Variants in NCOA7 observed in about 807,000 individuals in gnomAD.
NCOA7 encodes nuclear receptor coactivator 7.
A neutral mutation model predicts 104.3 loss-of-function variants in NCOA7; 45 were observed. The observed-to-expected ratio is 0.43, with a 90% CI of 0.34 to 0.55. The LOEUF is 0.55. Among genes scored for constraint, NCOA7 ranks in the 20% least tolerant of loss-of-function variants. The pLI, the probability that NCOA7 is intolerant of heterozygous loss-of-function variation, is 0.02. For synonymous variants in NCOA7, 398 were observed against 402.3 expected, an observed-to-expected ratio of 0.99 and a Z score of 0.13; for missense variants, 1,041 against 1,119.7, an observed-to-expected ratio of 0.93 and a Z score of 1.00.
intron 3 of NCOA7, among the ~76,000 whole-genome samples, chr6:125,872,149 C>A (rs2128636824): frequency 6.6e-6 from 1 of 152,072 alleles, no homozygotes; most frequent in African/African-American, 2.4e-5. Context: ...ATATTACATG[C>A]TTGACATTTT....
chr6:125,877,550 G>C (rs945773892), intron 4 of NCOA7, among the ~76,000 whole-genome samples: 1 of 152,156 alleles, frequency 6.6e-6, no homozygotes, highest in Non-Finnish European at 1.5e-5. Flanking sequence ...CTGTTTTCCT[G>C]TGAAGTTTCT....
intron 2 of NCOA7, among the ~76,000 whole-genome samples, chr6:125,848,393 A>G (rs1222646038): frequency 6.6e-6 from 1 of 152,214 alleles, no homozygotes; most frequent in East Asian, 1.9e-4. Context: ...AAGACTTGGA[A>G]CCAACCCAAA....
Position 125,889,207 on chromosome 6 carries a change from C to T in NCOA7, c.1153C>T (p.Pro385Ser). The T allele has an allele frequency of 6.2e-7, 1 of 1,613,984 alleles. No homozygotes were observed. The highest frequency in any genetic ancestry group is 1.1e-5 in the South Asian group (1 of 91,074). The change falls in exon 9 of 16, where the codon CCC becomes TCC. Residue 385 changes from proline (P) to serine (S), a missense_variant. Coordinates refer to ENST00000392477, the MANE Select transcript of NCOA7 (RefSeq NM_181782.5). ...DSSRETSHGS[P>S]TVTKLSKEPS... Reference sequence around the variant, plus strand: ...CTCTAGGGAGACATCCCATGGTTCTCCCACAGTGACTAAGCTCAGCAAGGA... The same window carrying T: ...CTCTAGGGAGACATCCCATGGTTCTTCCACAGTGACTAAGCTCAGCAAGGA...
chr6:125,835,043 A>G (rs1779497492), intron 2 of NCOA7, among the ~76,000 whole-genome samples: 1 of 152,236 alleles, frequency 6.6e-6, no homozygotes, highest in Admixed American at 6.5e-5. Flanking sequence ...CTGCAGCCTG[A>G]TAATTTAAAA....
Position 125,915,281 on chromosome 6 carries a change from C to T in NCOA7, c.2097-52C>T, listed in dbSNP as rs1020226114. On this transcript the variant is annotated intron_variant, in intron 10 of 15. Coordinates refer to ENST00000392477, the MANE Select transcript of NCOA7 (RefSeq NM_181782.5). ...TATGTACTGAAGTCCACACTAGCAC[C>T]TGCCAAGAAAGTGGACATGGTGTTA... 5.6e-6 allele frequency: 9 copies of T among 1,604,750 alleles called. No homozygotes were observed. In the South Asian group the frequency reaches 7.8e-5, roughly 14 times the overall value.
intron 10 of NCOA7, among the ~76,000 whole-genome samples, chr6:125,909,883 G>T (rs970207346): frequency 6.6e-6 from 1 of 152,156 alleles, no homozygotes; most frequent in African/African-American, 2.4e-5. Flanking sequence ...AGGAAGCAGG[G>T]CCTTGCTCTA....
intron 2 of NCOA7, among the ~76,000 whole-genome samples, chr6:125,839,659 T>C (rs1779956486): frequency 6.6e-6 from 1 of 152,076 alleles, no homozygotes; most frequent in Non-Finnish European, 1.5e-5. Flanking sequence ...GCCAGGAACC[T>C]GGGGACAAAG....
At chr6:125,862,081 C>T (rs1782115194) in intron 3 of NCOA7, among the ~76,000 whole-genome samples, 1 of 116,608 alleles carries the variant, frequency 8.6e-6, no homozygotes, top group South Asian at 2.6e-4. Context: ...GATAAGATGA[C>T]AGGTAGGGGA....
At chr6:125,839,031 C>G (rs976765939) in intron 2 of NCOA7, among the ~76,000 whole-genome samples, 1 of 152,056 alleles carries the variant, frequency 6.6e-6, no homozygotes, top group Non-Finnish European at 1.5e-5. Flanking sequence ...TGGAAACTTT[C>G]AGAACTTCGA....
intron 12 of NCOA7, among the ~76,000 whole-genome samples, chr6:125,922,335 A>G (rs185763731): frequency 6.6e-6 from 1 of 152,300 alleles, no homozygotes; most frequent in African/African-American, 2.4e-5. Context: ...TTGGGAAAAT[A>G]TGAACTGTTT....
At chr6:125,797,529 C>A (rs375635896) in intron 1 of NCOA7, among the ~76,000 whole-genome samples, 3 of 152,098 alleles carry the variant, frequency 2.0e-5, no homozygotes, top group East Asian at 3.9e-4. Flanking sequence ...GTCTGAGATC[C>A]CTTAAGAGCT....
In NCOA7 at chr6:125,915,497, G is replaced by T. The variant is rs1311029913; in HGVS notation, c.2244+17G>T. On this transcript the variant is annotated intron_variant, in intron 11 of 15. Transcript: ENST00000392477. ...AGCTGGGAGGTGAGCACTTGGGCAGGGTTAGACCGTCGTAGTTCCTAAGGT... is the reference window on the plus strand; with the variant it reads ...AGCTGGGAGGTGAGCACTTGGGCAGTGTTAGACCGTCGTAGTTCCTAAGGT... 1.2e-6 allele frequency: 2 copies of T among 1,613,278 alleles called. No homozygotes were observed. The highest frequency in any genetic ancestry group is 4.5e-5 in the East Asian group (2 of 44,870).
At chr6:125,790,252 C>T (rs1336406220), upstream of NCOA7, among the ~76,000 whole-genome samples, 2 of 152,232 alleles carry the variant, frequency 1.3e-5, no homozygotes, top group Non-Finnish European at 2.9e-5. Context: ...GAAGGAAAGT[C>T]AAAGGGCTTT....
At position 125,785,303 on chromosome 6, in the gene NCOA7, G is replaced by A. The variant is rs543635985; in HGVS notation, c.-141-834G>A. Among the ~76,000 whole-genome samples, 7 of 152,164 alleles carry A rather than the reference G, an allele frequency of 4.6e-5. No individual in the cohort carries two copies. In the South Asian group the frequency reaches 8.3e-4, roughly 18 times the overall value. On this transcript the variant is annotated intron_variant, in intron 1 of 16. Coordinates refer to the NCOA7 transcript ENST00000368357. ...CAGTGAGCTAACACGGTGCCACTGC[G>A]CTCCAGCCTCGGCAACAGAGTGAGA...
intron 2 of NCOA7, among the ~76,000 whole-genome samples, chr6:125,822,344 G>A (rs1419900405): frequency 6.6e-6 from 1 of 152,132 alleles, no homozygotes; most frequent in African/African-American, 2.4e-5. Flanking sequence ...GTTTCACTAT[G>A]CCTACTGATT....
chr6:125,822,536 A>G (rs1778281644), intron 2 of NCOA7, among the ~76,000 whole-genome samples: 1 of 152,216 alleles, frequency 6.6e-6, no homozygotes, highest in African/African-American at 2.4e-5. Context: ...CTGAGCCCCA[A>G]ATCCCTGTCT....
chr6:125,875,674 C>T (rs781498128), intron 4 of NCOA7, among the ~76,000 whole-genome samples: 3 of 152,168 alleles, frequency 2.0e-5, no homozygotes, highest in Non-Finnish European at 2.9e-5. Context: ...TTAACATTCT[C>T]GTAGAATCAT....
Position 125,785,905 on chromosome 6 carries a change from C to A in NCOA7, c.-141-232C>A, listed in dbSNP as rs955808858. On this transcript the variant is annotated intron_variant, in intron 1 of 16. Coordinates refer to the NCOA7 transcript ENST00000368357. The stretch of plus-strand genomic sequence containing the variant: ...ACAGCAATATTTCTTTCTCAGTACA[C>A]TCTGGTAGACGCCACAAAGACGCCA... Among the ~76,000 whole-genome samples the A allele has an allele frequency of 2.0e-5, 3 of 152,174 alleles. No individual in the cohort carries two copies. The East Asian group carries it at 5.8e-4, about 29-fold the overall frequency.
intron 2 of NCOA7, among the ~76,000 whole-genome samples, chr6:125,838,638 A>G (rs1284134167): frequency 2.0e-5 from 3 of 152,138 alleles, no homozygotes; most frequent in Non-Finnish European, 2.9e-5. Context: ...TGAGTGTCCA[A>G]CAATTCCATT....
Sources: allele counts gnomAD v4.1 joint callset (sites outside exome capture counted in the v4.1 genomes callset), GRCh38; gene constraint gnomAD v4.1.1; transcripts MANE v1.5; gene names NCBI Gene and HGNC (gene_info 2026-07-23, HGNC 2026-07-21).